Variants in PCDH15 observed in about 807,000 individuals in gnomAD.
PCDH15 encodes protocadherin-15.
Under a neutral mutation model 178.5 loss-of-function variants are expected in PCDH15, and 129 were observed. The observed-to-expected ratio is 0.72, with a 90% CI of 0.63 to 0.84. PCDH15 has a LOEUF of 0.84. PCDH15 is among the 40% of genes least tolerant of loss of function. The pLI is 0.00. For synonymous variants in PCDH15, 800 were observed against 732.0 expected, an observed-to-expected ratio of 1.09 and a Z score of -1.50; for missense variants, 2,230 against 2,099.9, an observed-to-expected ratio of 1.06 and a Z score of -1.21.
At chr10:54,644,031 A>T (rs1207831674) in intron 2 of PCDH15, among the ~76,000 whole-genome samples, 3 of 119,038 alleles carry the variant, frequency 2.5e-5, no homozygotes, top group African/African-American at 3.3e-5. Context: ...ATGTGTTCTC[A>T]TTGTTCAATT....
chr10:54,855,989 A>C (rs2131774321), intron 3 of PCDH15, among the ~76,000 whole-genome samples: 1 of 152,350 alleles, frequency 6.6e-6, no homozygotes, highest in Admixed American at 6.5e-5. Context: ...ATAGGCAAAT[A>C]AACTGTTTGA....
intron 2 of PCDH15, chr10:55,366,199 C>T (rs967525085): frequency 2.0e-5 from 3 of 151,968 alleles, no homozygotes; most frequent in Non-Finnish European, 4.4e-5. Flanking sequence ...GTGAAGTGGG[C>T]TTTTTCCATC....
chr10:55,341,570 C>G (rs1844556517), intron 2 of PCDH15, among the ~76,000 whole-genome samples: 1 of 140,380 alleles, frequency 7.1e-6, no homozygotes, highest in East Asian at 2.1e-4. Flanking sequence ...TCTAGATTAG[C>G]ATCCTTTTTT....
At chr10:55,525,482 A>G (rs1271529518) in intron 2 of PCDH15, among the ~76,000 whole-genome samples, 3 of 151,838 alleles carry the variant, frequency 2.0e-5, no homozygotes, top group Non-Finnish European at 4.4e-5. Flanking sequence ...AACACTTTAA[A>G]TTGTTCACTT....
At position 54,892,905 on chromosome 10, in the gene PCDH15, T is replaced by G. The variant is rs149819952; in HGVS notation, c.-29+4545A>C. 1.4e-4 allele frequency among the ~76,000 whole-genome samples: 21 copies of G among 152,032 alleles called. No individual in the cohort carries two copies. The East Asian group carries it at 3.9e-3, about 28-fold the overall frequency. The stretch of plus-strand genomic sequence containing the variant: ...CCACACCTATTTCTAAAAGATATTT[T>G]TCCTCAATTTAAAGGAAATCACATA... On this transcript the variant is annotated intron_variant, in intron 3 of 5. Transcript: ENST00000458638.
At chr10:55,492,676 C>T (rs188080531) in intron 2 of PCDH15, among the ~76,000 whole-genome samples, 14 of 151,688 alleles carry the variant, frequency 9.2e-5, no homozygotes, top group African/African-American at 3.1e-4. Context: ...AAAAGTGTGA[C>T]GAGTGCACGG....
At chr10:54,829,097 C>T (rs960280926) in intron 3 of PCDH15, among the ~76,000 whole-genome samples, 1 of 151,974 alleles carries the variant, frequency 6.6e-6, no homozygotes, top group Non-Finnish European at 1.5e-5. Context: ...AGTTTTTGTA[C>T]ACAGCCCTTG....
At chr10:54,485,365 C>A (rs1424040119) in intron 3 of PCDH15, among the ~76,000 whole-genome samples, 1 of 151,862 alleles carries the variant, frequency 6.6e-6, no homozygotes, top group African/African-American at 2.4e-5. Context: ...AGCAATTGAG[C>A]CTCTTTTCCT....
At chr10:54,034,776 C>A (rs952932380) in intron 18 of PCDH15, among the ~76,000 whole-genome samples, 2 of 151,790 alleles carry the variant, frequency 1.3e-5, no homozygotes, top group Non-Finnish European at 2.9e-5. Context: ...TAGTAGGTAA[C>A]TATTTTAGAA....
chr10:54,554,081 TAAAATGGA>T (rs2086902981), intron 2 of PCDH15, among the ~76,000 whole-genome samples: 1 of 152,196 alleles, frequency 6.6e-6, no homozygotes, highest in Non-Finnish European at 1.5e-5. Flanking sequence ...AGAGGAGTCT[TAAAATGGA>T]AAGGAGGTAA....
At chr10:55,526,404 T>G (rs1841302266) in intron 2 of PCDH15, among the ~76,000 whole-genome samples, 6 of 152,044 alleles carry the variant, frequency 3.9e-5, no homozygotes, top group Admixed American at 3.9e-4. Flanking sequence ...AGCCAAATAC[T>G]TACACAGTAA....
chr10:53,808,042 T>G (rs1397591667), intron 37 of PCDH15: 1 of 151,328 alleles, frequency 6.6e-6, no homozygotes, highest in Non-Finnish European at 1.5e-5. Flanking sequence ...GAAAAAATTT[T>G]ATGCCTGTTA....
At chr10:55,330,855 T>TGC (rs1283891138) in intron 2 of PCDH15, among the ~76,000 whole-genome samples, 4 of 151,344 alleles carry the variant, frequency 2.6e-5, no homozygotes, top group African/African-American at 4.8e-5. Flanking sequence ...TGTGTGTGTG[T>TGC]GTGTGTGTGT....
intron 27 of PCDH15, among the ~76,000 whole-genome samples, chr10:53,865,122 C>T (rs2079361281): frequency 6.6e-6 from 1 of 151,996 alleles, no homozygotes; most frequent in African/African-American, 2.4e-5. Flanking sequence ...AACAACGATA[C>T]TAATTATAGA....
chr10:53,811,518 G>C (rs772303320), intron 36 of PCDH15, 31 bp downstream of exon 36: 13 of 1,245,674 alleles, frequency 1.0e-5, no homozygotes, highest in Non-Finnish European at 1.4e-5. Context: ...ATTAAAATAA[G>C]AATCTGAATT....
intron 3 of PCDH15, among the ~76,000 whole-genome samples, chr10:54,427,204 A>G (rs760130809): frequency 3.6e-5 from 5 of 137,988 alleles, no homozygotes; most frequent in Non-Finnish European, 7.8e-5. Context: ...CAAGTAAGCT[A>G]TCTTATTTAT....
chr10:54,663,037 G>A (rs1350051778), intron 2 of PCDH15, among the ~76,000 whole-genome samples: 2 of 151,966 alleles, frequency 1.3e-5, no homozygotes, highest in Non-Finnish European at 2.9e-5. Flanking sequence ...GTGTTCAAGA[G>A]ATCATGCTGC....
chr10:54,438,445 G>A (rs572299463), intron 3 of PCDH15, among the ~76,000 whole-genome samples: 10 of 151,900 alleles, frequency 6.6e-5, no homozygotes, highest in South Asian at 4.2e-4. Flanking sequence ...ACTTGCCAGC[G>A]GATACCTGAA....
chr10:54,675,097 C>T (rs528444085), intron 1 of PCDH15, among the ~76,000 whole-genome samples: 2 of 151,904 alleles, frequency 1.3e-5, no homozygotes, highest in African/African-American at 2.4e-5. Context: ...TTGTATGGTA[C>T]GTTCATTACT....
Sources: allele counts gnomAD v4.1 joint callset (sites outside exome capture counted in the v4.1 genomes callset), GRCh38; gene constraint gnomAD v4.1.1; transcripts MANE v1.5; gene names NCBI Gene and HGNC (gene_info 2026-07-23, HGNC 2026-07-21).